RBM20: variants seen among roughly 807,000 people sequenced by gnomAD.
RBM20 encodes RNA binding motif protein 20.
RBM20 carries 51 observed loss-of-function variants against 110.1 expected under a neutral mutation model. The observed-to-expected ratio is 0.46, with a 90% CI of 0.37 to 0.59. The LOEUF is 0.59. Ranked by LOEUF, RBM20 falls within the 20% of genes least tolerant of loss-of-function variation. The pLI is 0.00. For synonymous variants in RBM20, 589 were observed against 618.2 expected, an observed-to-expected ratio of 0.95 and a Z score of 0.70; for missense variants, 1,512 against 1,574.9, an observed-to-expected ratio of 0.96 and a Z score of 0.68.
intron 1 of RBM20, among the ~76,000 whole-genome samples, chr10:110,731,265 C>T (rs1020255763): frequency 3.9e-5 from 6 of 152,002 alleles, no homozygotes; most frequent in Non-Finnish European, 7.4e-5. Flanking sequence ...CAAATTCAAA[C>T]AAAAAACAAG....
At chr10:110,725,726 T>C (rs1157212673) in intron 1 of RBM20, among the ~76,000 whole-genome samples, 1 of 152,250 alleles carries the variant, frequency 6.6e-6, no homozygotes, top group Non-Finnish European at 1.5e-5. Flanking sequence ...TTTCAGGGGC[T>C]GCAGAGCTCA....
At chr10:110,694,574 C>T (rs1862633818) in intron 1 of RBM20, among the ~76,000 whole-genome samples, 1 of 152,122 alleles carries the variant, frequency 6.6e-6, no homozygotes, top group South Asian at 2.1e-4. Flanking sequence ...TTCATTGGAA[C>T]AGGAGATTGG....
chr10:110,652,893 C>T (rs1861971896), intron 1 of RBM20, among the ~76,000 whole-genome samples: 1 of 152,196 alleles, frequency 6.6e-6, no homozygotes. Context: ...GTTGTGTTAT[C>T]TCCTCTCACC....
chr10:110,706,828 A>G (rs1435341585), intron 1 of RBM20, among the ~76,000 whole-genome samples: 3 of 152,078 alleles, frequency 2.0e-5, no homozygotes, highest in Non-Finnish European at 4.4e-5. Context: ...CCTCCTCCTC[A>G]TACTGATAAT....
At chr10:110,647,453 A>G (rs1468735461) in intron 1 of RBM20, among the ~76,000 whole-genome samples, 2 of 152,172 alleles carry the variant, frequency 1.3e-5, no homozygotes, top group African/African-American at 4.8e-5. Context: ...AGACACAGAT[A>G]ATTAATATTT....
rs1844340189 is a variant in RBM20, at chr10:110,781,217, T to C, written c.608T>C (p.Met203Thr). Residue 203 changes from methionine to threonine, a missense_variant, in exon 2 of 14, where the codon ATG becomes ACG. By Grantham distance (81) the Met-to-Thr change is moderately conservative. Transcript: ENST00000369519. Reference sequence around the variant, plus strand: ...GTGATGCATCCTTTCACTGGGGTAATGCCTCAGACCCCTGGCCAGCCAGCA... The same window carrying C: ...GTGATGCATCCTTTCACTGGGGTAACGCCTCAGACCCCTGGCCAGCCAGCA... ...AMVMHPFTGVMPQTPGQPAVI... is the reference protein window; with the variant it reads ...AMVMHPFTGVTPQTPGQPAVI... 6 of 1,551,524 alleles carry C rather than the reference T, an allele frequency of 3.9e-6. No individual in the cohort carries two copies. The South Asian group carries it at 5.9e-5, about 15-fold the overall frequency.
At chr10:110,771,330 T>C (rs988061073) in intron 1 of RBM20, among the ~76,000 whole-genome samples, 9 of 152,232 alleles carry the variant, frequency 5.9e-5, no homozygotes, top group African/African-American at 2.2e-4. Flanking sequence ...GGTTTCGCCA[T>C]GTTGGTCAGG....
chr10:110,835,888 C>T lies in RBM20; in HGVS notation c.3594C>T (p.Ala1198=), dbSNP rs758908115. ...RNLQKYLSQL[A]EEGLKETEGA... ...CACAGAAATATTTGTCCCAGCTGGC[C>T]GAGGAGGGCCTCAAGGAGACCGAGG... The change falls in exon 14 of 14, where the codon GCC becomes GCT. Residue 1198 remains alanine (A), a synonymous_variant. Transcript: ENST00000369519. 81 of 1,549,962 alleles carry T rather than the reference C, an allele frequency of 5.2e-5. No homozygotes were observed. The highest frequency in any genetic ancestry group is 1.4e-4 in the Admixed American group (7 of 50,916).
At chr10:110,804,760 A>G (rs1017817106) in intron 7 of RBM20, among the ~76,000 whole-genome samples, 1 of 152,232 alleles carries the variant, frequency 6.6e-6, no homozygotes, top group Non-Finnish European at 1.5e-5. Flanking sequence ...AACTTCGTCA[A>G]TAAGTATGGA....
rs747880281 is a variant in RBM20 at position 110,812,295 on chromosome 10, C to T, written c.1898C>T (p.Pro633Leu). ...CCTCACAGATATGGCCCAGAAAGGC[C>T]GCGGTCTCGTAGTCCGGTGAGCCGG... The part of the protein sequence containing the change: ...READRYGPER[P>L]RSRSPVSRSL... The change falls in exon 9 of 14, where the codon CCG (proline) becomes CTG (leucine). Residue 633 changes from proline to leucine, a missense_variant. By Grantham distance (98) the Pro-to-Leu change is moderately conservative (BLOSUM62 -3). Coordinates refer to ENST00000369519, the MANE Select transcript of RBM20 (RefSeq NM_001134363.3). The T allele has an allele frequency of 7.1e-6, 11 of 1,546,514 alleles. No homozygotes were observed. The highest frequency in any genetic ancestry group is 3.6e-5 in the South Asian group (3 of 83,862).
Position 110,675,841 on chromosome 10 carries a change from A to G in RBM20, c.191+31196A>G, listed in dbSNP as rs185261512. Among the ~76,000 whole-genome samples the G allele has an allele frequency of 9.2e-5, 14 of 152,350 alleles. No individual in the cohort carries two copies. In the South Asian group the frequency reaches 1.2e-3, roughly 14 times the overall value. On this transcript the variant is annotated intron_variant, in intron 1 of 13. Coordinates refer to ENST00000369519, the MANE Select transcript of RBM20 (RefSeq NM_001134363.3). ...AGAATATTTACCTCAGGTTGTTGGG[A>G]GCATTAAATGTGATAATATATATAA...
At chr10:110,764,349 C>G (rs567133323) in intron 1 of RBM20, among the ~76,000 whole-genome samples, 1 of 152,152 alleles carries the variant, frequency 6.6e-6, no homozygotes, top group Non-Finnish European at 1.5e-5. Flanking sequence ...GTAAACCAGG[C>G]GAGGCTTTGG....
At chr10:110,690,541 C>G (rs1468420913) in intron 1 of RBM20, among the ~76,000 whole-genome samples, 1 of 152,182 alleles carries the variant, frequency 6.6e-6, no homozygotes, top group African/African-American at 2.4e-5. Flanking sequence ...AACAAAACTC[C>G]CCATGTCCCT....
At chr10:110,644,331 T>C, upstream of RBM20, 1 of 696,164 alleles carries the variant, frequency 1.4e-6, no homozygotes, top group Middle Eastern at 4.4e-4. This position sits in a 1 kb window ranked among gnomAD's most constrained non-coding sequence, Gnocchi z 4.3. Flanking sequence ...TCGCGTCTCC[T>C]CCCCGCGCCA....
intron 1 of RBM20, among the ~76,000 whole-genome samples, chr10:110,690,713 TC>T (rs1862575365): frequency 6.6e-6 from 1 of 152,258 alleles, no homozygotes; most frequent in Non-Finnish European, 1.5e-5. Flanking sequence ...GTAGCATGTA[TC>T]AAAATTGTAT....
rs938328121 is a variant in RBM20 at position 110,800,475 on chromosome 10, C to A, written c.1800+557C>A. On this transcript the variant is annotated intron_variant, in intron 7 of 13. Coordinates refer to ENST00000369519, the MANE Select transcript of RBM20 (RefSeq NM_001134363.3). ...CTACGTTTCTTTCTTTTCTTTCCTT[C>A]TTTTTTGTTTTATTGTGAAGTATAA... is the stretch of plus-strand genomic sequence containing the variant. 2.0e-5 allele frequency among the ~76,000 whole-genome samples: 3 copies of A among 152,246 alleles called. No individual in the cohort carries two copies. The Middle Eastern group carries it at 0.01, about 518-fold the overall frequency.
At chr10:110,673,865 G>C (rs573307186) in intron 1 of RBM20, among the ~76,000 whole-genome samples, 2 of 152,312 alleles carry the variant, frequency 1.3e-5, no homozygotes, top group East Asian at 1.9e-4. Flanking sequence ...TTATGAGCTT[G>C]AGTCACATAA....
chr10:110,655,187 A>C lies in RBM20; in HGVS notation c.191+10542A>C, dbSNP rs190477966. On this transcript the variant is annotated intron_variant, in intron 1 of 13. Transcript: ENST00000369519. ...CAAGAAAATATTATAGAAAAAAATG[A>C]CTAAAATAAATCTGAAAGTAGGTCA... Among the ~76,000 whole-genome samples the C allele has an allele frequency of 1.3e-3, 200 of 152,348 alleles. 1 individual carries two copies. Among genetic ancestry groups the C allele is most frequent in the African/African-American group, 4.6e-3 (193 of 41,582 alleles).
rs1406545744 is a variant in RBM20 at position 110,812,765 on chromosome 10, C to G, written c.2368C>G (p.Leu790Val). The G allele has an allele frequency of 6.4e-7, 1 of 1,551,576 alleles. No homozygotes were observed. Among genetic ancestry groups the G allele is most frequent in the Non-Finnish European group, 8.7e-7 (1 of 1,146,996 alleles). ...GTCCAGGAGGAAAGACGAGGCCAGG[C>G]TGCGGGAAAGCAGACACCCCCATCC... The part of the protein sequence containing the change: ...GRSRRKDEAR[L>V]RESRHPHPDD... Residue 790 changes from leucine (L) to valine (V), a missense_variant, in exon 9 of 14, where the codon CTG (leucine) becomes GTG (valine). Leu to Val is a conservative substitution (Grantham distance 32). Around this residue, in one of 3 missense-constraint regions of RBM20, gnomAD observed 1,149 missense variants for 1,169.4 expected, o/e 0.98. Coordinates refer to ENST00000369519, the MANE Select transcript of RBM20 (RefSeq NM_001134363.3).
Sources: gnomAD v4.1 joint callset for allele counts (sites outside exome capture counted in the v4.1 genomes callset) on GRCh38, gnomAD v4.1.1 for gene constraint, gnomAD v4.1.1 regional missense constraint, Gnocchi (gnomAD v3.1) non-coding constraint, MANE v1.5 for transcripts, NCBI Gene and HGNC (gene_info 2026-07-23, HGNC 2026-07-21) for gene names.